SFXN5: variants seen among roughly 807,000 people sequenced by gnomAD.
SFXN5 encodes the protein sideroflexin-5.
A neutral mutation model predicts 50.2 loss-of-function variants in SFXN5; 43 were observed. That is an observed-to-expected ratio of 0.86 (90% CI 0.67 to 1.11). SFXN5 has a LOEUF of 1.11. SFXN5 is among the 50% of genes least tolerant of loss of function. The pLI is 0.00. For missense variants in SFXN5, 463 were observed against 454.1 expected, an observed-to-expected ratio of 1.02 and a Z score of -0.18; for synonymous variants, 203 against 185.8, an observed-to-expected ratio of 1.09 and a Z score of -0.75.
rs1671582208 is a variant in SFXN5, at chr2:72,942,945, G to A, written c.*2077C>T. On this transcript the variant is annotated 3_prime_UTR_variant, in exon 14 of 14. Transcript: ENST00000272433. ...GGTAGGAGCAGGGTGAGCTTGAAGT[G>A]AGCTTTTCAAAAGACGACCCAGACA... The A allele has an allele frequency of 6.6e-6, 1 of 152,350 alleles. No individual in the cohort carries two copies. The highest frequency in any genetic ancestry group is 2.4e-5 in the African/African-American group (1 of 41,450). The allele number at this position is 152,350 out of a possible 1,614,324, so 9.4% of individuals were successfully genotyped here.
intron 3 of SFXN5, among the ~76,000 whole-genome samples, chr2:73,040,265 C>A (rs1441316712): frequency 1.9e-4 from 29 of 152,286 alleles, no homozygotes. Context: ...TAATCATTAA[C>A]TACTACCTTC....
chr2:73,027,163 C>T (rs960386281), intron 3 of SFXN5, among the ~76,000 whole-genome samples: 1 of 152,042 alleles, frequency 6.6e-6, no homozygotes, highest in Non-Finnish European at 1.5e-5. Flanking sequence ...ACAGTCCCGG[C>T]GTGTTACTGT....
intron 11 of SFXN5, 30 bp from the exon 12 acceptor site, chr2:72,968,563 G>A (rs765254066): frequency 3.7e-6 from 6 of 1,607,574 alleles, no homozygotes; most frequent in Middle Eastern, 1.8e-4. Context: ...TGTGTGAGAG[G>A]GGCCTGACAG....
rs373157452 is a variant in SFXN5, at chr2:73,012,944, A to T, written c.357+7295T>A. On this transcript the variant is annotated intron_variant, in intron 6 of 13. Transcript: ENST00000272433. The stretch of plus-strand genomic sequence containing the variant: ...ATAATGCAACCTCTCTGTACTATAA[A>T]ATATGACAGATGAATGGTAAGTAGA... Among the ~76,000 whole-genome samples, 4 of 152,098 alleles carry T rather than the reference A, an allele frequency of 2.6e-5. No homozygotes were observed. In the South Asian group the frequency reaches 6.2e-4, roughly 24 times the overall value.
At chr2:73,012,340 T>C (rs575527874) in intron 6 of SFXN5, among the ~76,000 whole-genome samples, 3 of 152,222 alleles carry the variant, frequency 2.0e-5, no homozygotes, top group South Asian at 2.1e-4. Context: ...ATATTCTTTA[T>C]AAAACATTCT....
intron 6 of SFXN5, among the ~76,000 whole-genome samples, chr2:73,018,065 G>A (rs943498602): frequency 4.6e-5 from 7 of 152,040 alleles, no homozygotes; most frequent in African/African-American, 1.7e-4. Context: ...GAAGTTAGCT[G>A]GGCATTGTGG....
At chr2:72,947,833 C>T (rs559885980) in intron 13 of SFXN5, among the ~76,000 whole-genome samples, 2 of 149,788 alleles carry the variant, frequency 1.3e-5, no homozygotes, top group Non-Finnish European at 3.0e-5. Context: ...ACCCCTGCCA[C>T]CCCCAGTCCC....
chr2:72,994,300 A>C (rs1672954467), intron 9 of SFXN5, among the ~76,000 whole-genome samples: 1 of 152,140 alleles, frequency 6.6e-6, no homozygotes, highest in African/African-American at 2.4e-5. Context: ...TTCCAGTCTG[A>C]CTATCCAGGG....
chr2:72,958,925 C>A (rs1673401476), intron 13 of SFXN5, among the ~76,000 whole-genome samples: 1 of 152,138 alleles, frequency 6.6e-6, no homozygotes, highest in Admixed American at 6.5e-5. Context: ...GAGTCTCCTC[C>A]TCAAACTCTG....
intron 6 of SFXN5, among the ~76,000 whole-genome samples, chr2:73,019,185 C>T (rs1476323551): frequency 1.3e-5 from 2 of 152,060 alleles, no homozygotes; most frequent in African/African-American, 2.4e-5. Flanking sequence ...CACAAAAGAG[C>T]ACATGTTGAT....
At chr2:73,071,022 C>G (rs1683555760) in intron 1 of SFXN5, 1 of 152,570 alleles carries the variant, frequency 6.6e-6, no homozygotes, top group African/African-American at 2.4e-5. Flanking sequence ...GGACGGGGGA[C>G]GCCGGACCGC....
At chr2:73,000,349 G>A in intron 8 of SFXN5, 82 bp downstream of exon 8, 1 of 1,329,120 alleles carries the variant, frequency 7.5e-7, no homozygotes, top group Non-Finnish European at 1.0e-6. Context: ...AGCCACTGAT[G>A]GTGGCATGTC....
At chr2:73,066,301 TA>T (rs1212786718) in intron 1 of SFXN5, among the ~76,000 whole-genome samples, 1 of 152,166 alleles carries the variant, frequency 6.6e-6, no homozygotes, top group African/African-American at 2.4e-5. Flanking sequence ...CTCACGCCTG[TA>T]ACCCCAGCAC....
chr2:72,951,244 C>T (rs1316213774), intron 13 of SFXN5, among the ~76,000 whole-genome samples: 2 of 152,176 alleles, frequency 1.3e-5, no homozygotes, highest in East Asian at 1.9e-4. Flanking sequence ...CCAGCCTCCT[C>T]GGGATGTGCC....
At position 72,992,256 on chromosome 2, in the gene SFXN5, G is replaced by A. The variant is rs1021525423; in HGVS notation, c.535-3908C>T. 3.9e-5 allele frequency among the ~76,000 whole-genome samples: 6 copies of A among 152,222 alleles called. No homozygotes were observed. The highest frequency in any genetic ancestry group is 1.4e-4 in the African/African-American group (6 of 41,452). On this transcript the variant is annotated intron_variant, in intron 9 of 13. Coordinates refer to ENST00000272433, the MANE Select transcript of SFXN5 (RefSeq NM_144579.3). The surrounding 1 kb of genome is among the most constrained non-coding windows in gnomAD (Gnocchi z 4.5). ...TGGGAACAGGGCTGACCAGCACCAG[G>A]AGCTATGGGTGGGGTGGGAGCTTCA...
chr2:72,988,793 G>A (rs1672222970), intron 9 of SFXN5, among the ~76,000 whole-genome samples: 1 of 152,132 alleles, frequency 6.6e-6, no homozygotes, highest in Non-Finnish European at 1.5e-5. Flanking sequence ...GTACATGCAG[G>A]TGTGGGCCCA....
chr2:73,029,648 C>T (rs550789004), intron 3 of SFXN5, among the ~76,000 whole-genome samples: 1 of 152,306 alleles, frequency 6.6e-6, no homozygotes, highest in South Asian at 2.1e-4. Context: ...ATGTCAGTGT[C>T]TGAGGTTGGC....
At chr2:73,068,125 A>G (rs576173621) in intron 1 of SFXN5, among the ~76,000 whole-genome samples, 6 of 152,220 alleles carry the variant, frequency 3.9e-5, no homozygotes, top group Admixed American at 3.9e-4. Flanking sequence ...GAGACACTTG[A>G]GGGAATAAAG....
rs1244703727 is a variant in SFXN5, at chr2:73,001,574, A to C, written c.362T>G (p.Val121Gly). 6.2e-7 allele frequency: 1 copy of C among 1,614,188 alleles called. No individual in the cohort carries two copies. The highest frequency in any genetic ancestry group is 8.5e-7 in the Non-Finnish European group (1 of 1,180,006). Residue 121 changes from valine to glycine, a missense_variant, in exon 7 of 14, where the codon GTC becomes GGC. Val to Gly is a moderately radical substitution (Grantham distance 109). Transcript: ENST00000272433. ...TGTCTGGTTGGGCAAGAGAAGACCG[A>C]CTACCTATGAGCAAGAGAGAAGAAA... Reference protein sequence around the residue: ...GYIPFGTPIVVGLLLPNQTLA... With the variant: ...GYIPFGTPIVGGLLLPNQTLA...
Sources: allele counts gnomAD v4.1 joint callset (sites outside exome capture counted in the v4.1 genomes callset), GRCh38; gene constraint gnomAD v4.1.1; non-coding constraint Gnocchi (gnomAD v3.1); transcripts MANE v1.5; gene names NCBI Gene and HGNC (gene_info 2026-07-23, HGNC 2026-07-21).